OR56A3: variants seen among roughly 807,000 people sequenced by gnomAD.
The protein encoded by OR56A3 is olfactory receptor family 56 subfamily A member 3.
A neutral mutation model predicts 17.5 loss-of-function variants in OR56A3; 23 were observed. The ratio of observed to expected loss-of-function variants is 1.32; its 90% CI spans 0.95 to 1.87. The LOEUF is 1.87. Among genes scored for constraint, OR56A3 ranks in the 40% most tolerant of loss-of-function variants. The pLI, the probability that OR56A3 is intolerant of heterozygous loss-of-function variation, is 0.00. For missense variants in OR56A3, 366 were observed against 380.1 expected (o/e 0.96, Z 0.31); for synonymous variants, 175 against 150.6 (o/e 1.16, Z -1.19).
the OR56A3 span, among the ~76,000 whole-genome samples, chr11:5,957,484 C>T: frequency 5.3e-5 from 8 of 152,088 alleles, no homozygotes; most frequent in African/African-American, 1.4e-4. Context: ...TCCTATTCCC[C>T]GGTGATGTGG....
chr11:5,985,795 G>A, the OR56A3 span: 1 of 704,840 alleles, frequency 1.4e-6, no homozygotes, highest in Non-Finnish European at 2.3e-6. Flanking sequence ...AAGTATCTGT[G>A]GGTGTTCTTT....
chr11:6,021,568 T>A, the OR56A3 span: 1 of 152,084 alleles, frequency 6.6e-6, no homozygotes, highest in Non-Finnish European at 1.5e-5. Flanking sequence ...CTGATACTAA[T>A]ATTTTATAAG....
the OR56A3 span, chr11:5,967,738 A>AGAGGATGAG: frequency 1.2e-6 from 2 of 1,610,460 alleles, no homozygotes; most frequent in Non-Finnish European, 1.7e-6. Context: ...GTGGTGAAGA[A>AGAGGATGAG]GAGGATGAGG....
At chr11:6,017,736 A>G in the OR56A3 span, among the ~76,000 whole-genome samples, 1 of 152,220 alleles carries the variant, frequency 6.6e-6, no homozygotes, top group African/African-American at 2.4e-5. Context: ...CTTTTAATGT[A>G]AACAAATTAA....
the OR56A3 span, chr11:6,002,631 A>T: frequency 2.5e-6 from 4 of 1,614,146 alleles, no homozygotes; most frequent in East Asian, 2.2e-5. Context: ...GTCATAGGCC[A>T]TGACCATGAA....
chr11:5,973,033 A>G, the OR56A3 span, among the ~76,000 whole-genome samples: 1 of 152,168 alleles, frequency 6.6e-6, no homozygotes, highest in Non-Finnish European at 1.5e-5. Context: ...TTGTATTAAA[A>G]CTTTTCAGAA....
chr11:5,992,880 A>G, the OR56A3 span, among the ~76,000 whole-genome samples: 1 of 152,346 alleles, frequency 6.6e-6, no homozygotes, highest in African/African-American at 2.4e-5. Flanking sequence ...ATAAATAAGC[A>G]GATGGTAGAT....
Position 5,947,475 on chromosome 11 carries a change from A to C in OR56A3, c.129A>C (p.Val43=). Residue 43 remains valine (V), a synonymous_variant, in exon 3 of 3, where the codon GTA becomes GTC. Transcript: ENST00000641160. Reference sequence around the variant, plus strand: ...TCAGCCTCCTTTTCCTCTTGGCCGTAGGGGCCAACACCACCCTCCTGATGA... The same window carrying C: ...TCAGCCTCCTTTTCCTCTTGGCCGTCGGGGCCAACACCACCCTCCTGATGA... ...LPLSLLFLLA[V]GANTTLLMTI... The C allele has an allele frequency of 6.2e-7, 1 of 1,613,928 alleles. No individual in the cohort carries two copies. Among genetic ancestry groups the C allele is most frequent in the Non-Finnish European group, 8.5e-7 (1 of 1,179,884 alleles).
the OR56A3 span, among the ~76,000 whole-genome samples, chr11:6,012,674 C>A: frequency 6.6e-6 from 1 of 152,144 alleles, no homozygotes; most frequent in Non-Finnish European, 1.5e-5. Context: ...CATGGGCAGC[C>A]GGGGGCAAGC....
the OR56A3 span, among the ~76,000 whole-genome samples, chr11:5,996,506 GTTTT>G: frequency 7.0e-6 from 1 of 143,384 alleles, no homozygotes; most frequent in Admixed American, 6.9e-5. Context: ...AACCAGTGAA[GTTTT>G]TTTTTTTTTT....
At chr11:6,003,139 C>T in the OR56A3 span, 2 of 1,564,708 alleles carry the variant, frequency 1.3e-6, no homozygotes, top group Non-Finnish European at 1.7e-6. Context: ...TTTAAAATCA[C>T]TGTCATCATC....
chr11:5,952,480 A>C (rs78491781), downstream of OR56A3, among the ~76,000 whole-genome samples: 3,977 of 152,202 alleles, frequency 0.026, 73 homozygotes, highest in African/African-American at 0.053. Flanking sequence ...TTCACTTTCC[A>C]AAATATCAAT....
In OR56A3 at chr11:5,948,046, G is replaced by A. The variant is rs746443972; in HGVS notation, c.700G>A (p.Ala234Thr). The change falls in exon 3 of 3, where the codon GCA becomes ACA. Residue 234 changes from alanine to threonine, a missense_variant. Coordinates refer to ENST00000641160, the MANE Select transcript of OR56A3 (RefSeq NM_001003443.3). ...TCTGCGAGCTGTGCTGAGACTCAAGGCAGAGGGTGCCGTGGCAAAGGCCCT... is the reference window on the plus strand; with the variant it reads ...TCTGCGAGCTGTGCTGAGACTCAAGACAGAGGGTGCCGTGGCAAAGGCCCT... ...FILRAVLRLK[A>T]EGAVAKALST... is the part of the protein sequence containing the mutation. The A allele has an allele frequency of 1.2e-6, 2 of 1,614,210 alleles. No homozygotes were observed. Among genetic ancestry groups the A allele is most frequent in the South Asian group, 2.2e-5 (2 of 91,084 alleles).
the OR56A3 span, among the ~76,000 whole-genome samples, chr11:6,014,265 C>T: frequency 1.3e-5 from 2 of 152,142 alleles, no homozygotes; most frequent in African/African-American, 2.4e-5. Context: ...TGTGTCCCCA[C>T]CCAAATCTCA....
chr11:5,968,071 G>C, the OR56A3 span: 38 of 1,612,400 alleles, frequency 2.4e-5, 1 homozygote, highest in South Asian at 4.1e-4. Flanking sequence ...GCGACAAATT[G>C]ATCAGTGATG....
chr11:6,004,223 A>G, the OR56A3 span, among the ~76,000 whole-genome samples: 1 of 152,132 alleles, frequency 6.6e-6, no homozygotes, highest in Admixed American at 6.5e-5. Context: ...GTGGTGGTGC[A>G]TGCCTGTAAT....
chr11:5,984,105 G>A, the OR56A3 span, among the ~76,000 whole-genome samples: 4 of 152,314 alleles, frequency 2.6e-5, no homozygotes, highest in Non-Finnish European at 5.9e-5. Context: ...AGGAAGAGGT[G>A]CAAAGATTTA....
chr11:5,952,579 T>TG (rs796556823), downstream of OR56A3, among the ~76,000 whole-genome samples: 74 of 151,158 alleles, frequency 4.9e-4, 2 homozygotes, highest in East Asian at 4.1e-3. Flanking sequence ...ATTATTATGG[T>TG]GGGGGGGTTG....
chr11:5,958,648 C>T, the OR56A3 span, among the ~76,000 whole-genome samples: 4 of 152,132 alleles, frequency 2.6e-5, no homozygotes, highest in Admixed American at 2.6e-4. Context: ...GACCTCCACT[C>T]TCTTTGGGCT....
Sources: allele counts gnomAD v4.1 joint callset (sites outside exome capture counted in the v4.1 genomes callset), GRCh38; gene constraint gnomAD v4.1.1; transcripts MANE v1.5; gene names NCBI Gene and HGNC (gene_info 2026-07-23, HGNC 2026-07-21).